Variants in NTM observed in about 807,000 individuals in gnomAD.
The protein encoded by NTM is neurotrimin.
In NTM, 13 loss-of-function variants were observed where a neutral mutation model predicts 42.1. The observed-to-expected ratio is 0.31, with a 90% confidence interval of 0.20 to 0.49. The LOEUF (loss-of-function observed/expected upper bound fraction) is 0.49. NTM is among the 20% of genes least tolerant of loss of function. The pLI, the probability that NTM is intolerant of heterozygous loss-of-function variation, is 0.99. For synonymous variants in NTM, 187 were observed against 179.2 expected, an observed-to-expected ratio of 1.04 and a Z score of -0.35; for missense variants, 373 against 452.8, an observed-to-expected ratio of 0.82 and a Z score of 1.60.
chr11:131,943,253 C>G (rs1396273486), intron 2 of NTM, among the ~76,000 whole-genome samples: 2 of 152,172 alleles, frequency 1.3e-5, no homozygotes, highest in Non-Finnish European at 2.9e-5. Context: ...CTACCATGCC[C>G]CTTCCCCTGG....
intron 4 of NTM, among the ~76,000 whole-genome samples, chr11:132,248,259 T>G (rs1415507023): frequency 6.6e-6 from 1 of 152,202 alleles, no homozygotes; most frequent in African/African-American, 2.4e-5. Context: ...ATAGTCTTTT[T>G]CTGATCCCCT....
rs1565657805 is a variant in NTM at position 131,873,601 on chromosome 11, TATATATATACCGTATATATATAC to T, written c.83-37953_83-37931del. On this transcript the variant is annotated intron_variant, in intron 1 of 8. Coordinates refer to ENST00000683400, the MANE Select transcript of NTM (RefSeq NM_001352005.2). ...TATATATATACCGTATATATATACATATATATATACCGTATATATATACATATATATATACACATATATATATA... is the reference window on the plus strand; with the variant it reads ...TATATATATACCGTATATATATACATATATATATATACACATATATATATA... 1.4e-4 allele frequency among the ~76,000 whole-genome samples: 9 copies of T among 63,690 alleles called. 1 individual carries two copies. Among genetic ancestry groups the T allele is most frequent in the African/African-American group, 4.5e-4 (9 of 19,922 alleles). The allele number at this position is 63,690 out of a possible 152,430, so 41.8% of individuals were successfully genotyped here.
intron 1 of NTM, among the ~76,000 whole-genome samples, chr11:131,736,141 T>G (rs747410424): frequency 1.2e-4 from 19 of 152,032 alleles, no homozygotes; most frequent in Non-Finnish European, 2.4e-4. Flanking sequence ...CCTCATGAGA[T>G]AAATATTAAG....
chr11:131,955,301 A>T (rs1439381904), intron 2 of NTM, among the ~76,000 whole-genome samples: 2 of 152,138 alleles, frequency 1.3e-5, no homozygotes, highest in African/African-American at 4.8e-5. Flanking sequence ...TGCCTGGAAT[A>T]GTAATGAGTT....
rs115549872 is a variant in NTM, at chr11:132,177,810, A to G, written c.400+31296A>G. Among the ~76,000 whole-genome samples, 686 of 152,356 alleles carry G rather than the reference A, an allele frequency of 4.5e-3. 3 individuals carry two copies. The highest frequency in any genetic ancestry group is 0.014 in the African/African-American group (582 of 41,590). ...CAGGATCTTCATCTGTCGTATGACT[A>G]TGACTAATGCACTCATCCTGACTGG... On this transcript the variant is annotated intron_variant, in intron 3 of 8. Transcript: ENST00000683400.
intron 1 of NTM, among the ~76,000 whole-genome samples, chr11:131,546,936 C>T (rs2054024953): frequency 6.6e-6 from 1 of 152,162 alleles, no homozygotes; most frequent in Non-Finnish European, 1.5e-5. Context: ...TTTTCCTTGT[C>T]CCTAAACCCC....
chr11:131,687,277 C>T (rs1246529478), intron 1 of NTM, among the ~76,000 whole-genome samples: 1 of 152,252 alleles, frequency 6.6e-6, no homozygotes, highest in East Asian at 1.9e-4. Flanking sequence ...CAGCCATTTG[C>T]ACCCTCCCAG....
intron 1 of NTM, among the ~76,000 whole-genome samples, chr11:131,713,449 C>T (rs1368000829): frequency 6.6e-6 from 1 of 152,172 alleles, no homozygotes; most frequent in East Asian, 1.9e-4. Flanking sequence ...ACACTTCTTG[C>T]CACCAGGAGC....
At chr11:131,414,143 G>A (rs1377880109) in intron 1 of NTM, among the ~76,000 whole-genome samples, 1 of 152,176 alleles carries the variant, frequency 6.6e-6, no homozygotes, top group Admixed American at 6.5e-5. Flanking sequence ...AGAAAAGGAG[G>A]AGCAGGGTAT....
intron 2 of NTM, among the ~76,000 whole-genome samples, chr11:131,972,050 A>AAAAAAAAAAAT (rs2063630947): frequency 6.8e-6 from 1 of 146,848 alleles, no homozygotes; most frequent in Non-Finnish European, 1.5e-5. Context: ...CTCAAAAAAA[A>AAAAAAAAAAAT]AAAAAAAAAA....
chr11:131,695,388 G>C (rs930138617), intron 1 of NTM, among the ~76,000 whole-genome samples: 1 of 152,122 alleles, frequency 6.6e-6, no homozygotes, highest in African/African-American at 2.4e-5. Context: ...ATGACTTTAC[G>C]CAAACCTTCA....
chr11:131,633,678 CCTCT>C (rs148248122), intron 1 of NTM, among the ~76,000 whole-genome samples: 1,415 of 47,288 alleles, frequency 0.03, 46 homozygotes, highest in Middle Eastern at 0.079. Flanking sequence ...TCTCTCCCTC[CCTCT>C]CTCTCTCTCT....
chr11:131,734,159 T>G (rs1446347677), intron 1 of NTM, among the ~76,000 whole-genome samples: 1 of 152,070 alleles, frequency 6.6e-6, no homozygotes, highest in South Asian at 2.1e-4. Flanking sequence ...TCTGTGTCAA[T>G]AGCTTCCCAC....
chr11:131,848,158 T>G (rs982135304), intron 1 of NTM, among the ~76,000 whole-genome samples: 1 of 152,238 alleles, frequency 6.6e-6, no homozygotes, highest in African/African-American at 2.4e-5. Context: ...AAAGTTGGTA[T>G]GAAAGAAAAG....
chr11:131,852,802 T>A (rs1444152616), intron 1 of NTM, among the ~76,000 whole-genome samples: 1 of 151,568 alleles, frequency 6.6e-6, no homozygotes, highest in Admixed American at 6.6e-5. Flanking sequence ...TAACCACCCA[T>A]TCATCCACTC....
intron 1 of NTM, chr11:131,534,574 C>T (rs950527874): frequency 1.3e-5 from 2 of 152,174 alleles, no homozygotes; most frequent in Admixed American, 6.5e-5. Context: ...AATGTTTAGT[C>T]CTTTAGCTCC....
chr11:131,433,595 T>TTTAGAATTTTCACC (rs1206635488), intron 1 of NTM, among the ~76,000 whole-genome samples: 1 of 152,206 alleles, frequency 6.6e-6, no homozygotes, highest in Non-Finnish European at 1.5e-5. Flanking sequence ...TTTGATTGGG[T>TTTAGAATTTTCACC]TTAGAATTTT....
chr11:131,660,252 T>C (rs1488526460), intron 1 of NTM: 11 of 341,434 alleles, frequency 3.2e-5, no homozygotes, highest in South Asian at 2.1e-4. Context: ...TTCAGGTGGT[T>C]GTTGGCCTCA....
At chr11:131,562,580 CA>C (rs1238311167) in intron 1 of NTM, among the ~76,000 whole-genome samples, 1 of 151,978 alleles carries the variant, frequency 6.6e-6, no homozygotes, top group Non-Finnish European at 1.5e-5. Context: ...TGGATGAAGC[CA>C]GGAGATGCAG....
Sources: allele counts gnomAD v4.1 joint callset (sites outside exome capture counted in the v4.1 genomes callset), GRCh38; gene constraint gnomAD v4.1.1; transcripts MANE v1.5; gene names NCBI Gene and HGNC (gene_info 2026-07-23, HGNC 2026-07-21).